Variants in SKOR2 observed in about 807,000 individuals in gnomAD.
SKOR2 encodes SKI family transcriptional corepressor 2.
Under a neutral mutation model 69.1 loss-of-function variants are expected in SKOR2, and 47 were observed. The observed-to-expected ratio is 0.68, with a 90% CI of 0.54 to 0.87. The LOEUF (loss-of-function observed/expected upper bound fraction) is 0.87. Among genes scored for constraint, SKOR2 ranks in the 40% least tolerant of loss-of-function variants. The pLI is 0.00. For synonymous variants in SKOR2, 717 were observed against 672.6 expected, an observed-to-expected ratio of 1.07 and a Z score of -1.02; for missense variants, 1,404 against 1,472.2, an observed-to-expected ratio of 0.95 and a Z score of 0.76.
rs2064269593 is a variant in SKOR2 at position 47,245,618 on chromosome 18, T to C, written c.2614-57A>G. The C allele has an allele frequency of 1.2e-5, 17 of 1,429,758 alleles. No homozygotes were observed. The South Asian group carries it at 2.2e-4, about 18-fold the overall frequency. The allele number at this position is 1,429,758 out of a possible 1,614,324, so 88.6% of individuals were successfully genotyped here. On this transcript the variant is annotated intron_variant, in intron 2 of 8. Coordinates refer to ENST00000425639, the MANE Select transcript of SKOR2 (RefSeq NM_001278063.4). The stretch of plus-strand genomic sequence containing the variant: ...ATGCCCGGATCAAACCATATGCTAA[T>C]GTCAACAGTCAGCAGGAAGAAGCAT...
At chr18:47,251,143 G>A (rs2064310953) in intron 1 of SKOR2, among the ~76,000 whole-genome samples, 2 of 152,036 alleles carry the variant, frequency 1.3e-5, no homozygotes, top group South Asian at 4.2e-4. Context: ...GAGGGGAGAA[G>A]AGACAATTAA....
rs779268367 is a variant in SKOR2 at position 47,247,069 on chromosome 18, GGGCGGCGGGGGC to G, written c.2103_2114del (p.Pro703_Pro706del). The G allele has an allele frequency of 4.0e-5, 56 of 1,390,948 alleles. No individual in the cohort carries two copies. Among genetic ancestry groups the G allele is most frequent in the East Asian group, 6.1e-5 (2 of 32,702 alleles). The allele number at this position is 1,390,948 out of a possible 1,614,324, so 86.2% of individuals were successfully genotyped here. A position where few individuals can be genotyped will look rare whatever the true frequency, so the allele number is the denominator to read the frequency against. On this transcript the variant is annotated inframe_deletion, in exon 2 of 9. Coordinates refer to ENST00000425639, the MANE Select transcript of SKOR2 (RefSeq NM_001278063.4). The surrounding 1 kb of genome is among the most constrained non-coding windows in gnomAD (Gnocchi z 6.6). Reference sequence around the variant, plus strand: ...GGTGGTGCGGGTGCTGGGCCAGAGGGGGCGGCGGGGGCGGCGGCGGCGGCGGCGGCGGGGCCG... The same window carrying G: ...GGTGGTGCGGGTGCTGGGCCAGAGGGGGCGGCGGCGGCGGCGGCGGGGCCG...
chr18:47,235,708 A>C (rs1168265253), intron 4 of SKOR2, among the ~76,000 whole-genome samples: 1 of 151,374 alleles, frequency 6.6e-6, no homozygotes, highest in African/African-American at 2.4e-5. Context: ...GAGAGAAGTA[A>C]CATGCTGAAG....
chr18:47,244,384 C>A (rs1484641750), intron 4 of SKOR2, among the ~76,000 whole-genome samples: 3 of 152,302 alleles, frequency 2.0e-5, no homozygotes, highest in East Asian at 1.9e-4. Context: ...CTGCAATAGA[C>A]AACTTAGTAT....
chr18:47,246,448 A>C (rs1037084059), intron 2 of SKOR2, 123 bp downstream of exon 2: 1 of 1,282,464 alleles, frequency 7.8e-7, no homozygotes, highest in African/African-American at 1.6e-5. Context: ...AAACACACTG[A>C]ATATTTCATT....
At chr18:47,211,041 T>C (rs947475298) in intron 8 of SKOR2, among the ~76,000 whole-genome samples, 5 of 152,136 alleles carry the variant, frequency 3.3e-5, no homozygotes, top group Non-Finnish European at 7.4e-5. Context: ...TTAAGACAAA[T>C]ACTGAAGACT....
chr18:47,250,677 G>C (rs1295032815), intron 1 of SKOR2, among the ~76,000 whole-genome samples: 1 of 152,134 alleles, frequency 6.6e-6, no homozygotes, highest in East Asian at 1.9e-4. Context: ...GCTGCCCCCT[G>C]GATCCTCAGT....
intron 6 of SKOR2, among the ~76,000 whole-genome samples, chr18:47,226,877 C>A (rs1006789516): frequency 6.6e-5 from 10 of 152,134 alleles, no homozygotes; most frequent in African/African-American, 2.2e-4. Flanking sequence ...GGGAATTTTC[C>A]TAAGGTTACT....
chr18:47,243,623 T>C (rs2064258533), intron 4 of SKOR2, among the ~76,000 whole-genome samples: 1 of 152,222 alleles, frequency 6.6e-6, no homozygotes, highest in Non-Finnish European at 1.5e-5. Flanking sequence ...AGGTAGTTCC[T>C]GGAAAATATC....
intron 8 of SKOR2, among the ~76,000 whole-genome samples, chr18:47,207,168 G>T (rs1216297691): frequency 1.3e-5 from 2 of 152,264 alleles, no homozygotes; most frequent in Admixed American, 1.3e-4. Context: ...AGTGAAAGGG[G>T]CAGACAGAAT....
At chr18:47,237,020 C>T (rs554324115) in intron 4 of SKOR2, among the ~76,000 whole-genome samples, 3 of 152,292 alleles carry the variant, frequency 2.0e-5, no homozygotes, top group African/African-American at 7.2e-5. Flanking sequence ...CCCGATCACC[C>T]CTACCTTAGG....
chr18:47,249,665 T>A (rs527460607), intron 1 of SKOR2, among the ~76,000 whole-genome samples: 1 of 152,172 alleles, frequency 6.6e-6, no homozygotes. Flanking sequence ...CTCATTTGCT[T>A]GGAGATAGAT....
rs1429419472 is a variant in SKOR2 at position 47,247,643 on chromosome 18, G to A, written c.1541C>T (p.Ala514Val). The A allele has an allele frequency of 2.4e-5, 33 of 1,353,686 alleles. No individual in the cohort carries two copies. The East Asian group carries it at 8.5e-4, about 35-fold the overall frequency. The allele number at this position is 1,353,686 out of a possible 1,614,324, so 83.9% of individuals were successfully genotyped here. Residue 514 changes from alanine to valine, a missense_variant, in exon 2 of 9, where the codon GCT (alanine) becomes GTT (valine). This residue lies in a region of SKOR2 where 1,266 missense variants were observed against 1,309.9 expected (regional missense o/e 0.97). Transcript: ENST00000425639. This position sits in a 1 kb window ranked among gnomAD's most constrained non-coding sequence, Gnocchi z 6.6. ...GCTCCCAGCAGCACCGCCTGGCTCA[G>A]CCAGGTCCAGGAAGGCCTGGCGCAG... ...ALLRQAFLDLAEPGGAAGSAE... is the reference protein window; with the variant it reads ...ALLRQAFLDLVEPGGAAGSAE...
At chr18:47,221,744 T>C (rs184918065) in intron 6 of SKOR2, among the ~76,000 whole-genome samples, 2 of 152,338 alleles carry the variant, frequency 1.3e-5, no homozygotes, top group East Asian at 3.9e-4. Context: ...ATGCTATGAT[T>C]AGTTGTTATC....
chr18:47,227,519 C>T (rs1014435963), intron 6 of SKOR2, among the ~76,000 whole-genome samples: 8 of 151,778 alleles, frequency 5.3e-5, no homozygotes, highest in South Asian at 2.1e-4. Flanking sequence ...CTGGTACAGA[C>T]GAGGTTTCAC....
Position 47,246,713 on chromosome 18 carries a change from C to T in SKOR2, c.2471G>A (p.Gly824Glu), listed in dbSNP as rs1455504728. The T allele has an allele frequency of 4.8e-6, 7 of 1,450,082 alleles. No individual in the cohort carries two copies. The highest frequency in any genetic ancestry group is 6.3e-6 in the Non-Finnish European group (7 of 1,115,142). 89.8% of individuals were successfully genotyped at this position (1,450,082 alleles called of 1,614,324 possible). ...GTCCGAGCCGGGGTCCCCGAGTTTC[C>T]CGTCTTCCTGCAGCAGCCTGGAGGA... ...LNSSRLLQED[G>E]KLGDPGSDLP... The change falls in exon 2 of 9, where the codon GGG becomes GAG. Residue 824 changes from glycine (G) to glutamate (E), a missense_variant. Coordinates refer to ENST00000425639, the MANE Select transcript of SKOR2 (RefSeq NM_001278063.4).
chr18:47,211,658 T>C (rs2064128230), intron 8 of SKOR2, among the ~76,000 whole-genome samples: 1 of 152,204 alleles, frequency 6.6e-6, no homozygotes, highest in South Asian at 2.1e-4. Flanking sequence ...TGTCCCCAGT[T>C]GTTCATATTA....
chr18:47,234,681 T>G (rs957876336), intron 4 of SKOR2: 2 of 151,788 alleles, frequency 1.3e-5, no homozygotes, highest in Admixed American at 6.6e-5. Context: ...GCCAACATGG[T>G]GAAACCCCAT....
rs561006405 is a variant in SKOR2, at chr18:47,244,786, T to C, written c.2752+122A>G. ...TCCCCATTTGTGTTTTTCTTAGTTA[T>C]ATCTACTAGGAATTGTTTTTTATTT... On this transcript the variant is annotated intron_variant, in intron 4 of 8. Coordinates refer to ENST00000425639, the MANE Select transcript of SKOR2 (RefSeq NM_001278063.4). 1.1e-4 allele frequency: 88 copies of C among 822,356 alleles called. 4 individuals are homozygous for C. The South Asian group carries it at 1.9e-3, about 18-fold the overall frequency. 50.9% of individuals were successfully genotyped at this position (822,356 alleles called of 1,614,324 possible). A position where few individuals can be genotyped will look rare whatever the true frequency, so the allele number is the denominator to read the frequency against.
Sources: gnomAD v4.1 joint callset for allele counts (sites outside exome capture counted in the v4.1 genomes callset) on GRCh38, gnomAD v4.1.1 for gene constraint, gnomAD v4.1.1 regional missense constraint, Gnocchi (gnomAD v3.1) non-coding constraint, MANE v1.5 for transcripts, NCBI Gene and HGNC (gene_info 2026-07-23, HGNC 2026-07-21) for gene names.